Variants in ARMC12 observed in about 807,000 individuals in gnomAD.
The protein encoded by ARMC12 is armadillo repeat containing 12, also known as armadillo repeat-containing protein 12.
ARMC12 carries 25 observed loss-of-function variants against 37.4 expected under a neutral mutation model. The ratio of observed to expected loss-of-function variants is 0.67; its 90% CI spans 0.49 to 0.93. ARMC12 has a LOEUF of 0.93. ARMC12 is among the 40% of genes least tolerant of loss of function. ARMC12 has a pLI of 0.00. For synonymous variants in ARMC12, 167 were observed against 176.1 expected, an observed-to-expected ratio of 0.95 and a Z score of 0.41; for missense variants, 384 against 426.6, an observed-to-expected ratio of 0.90 and a Z score of 0.88.
At chr6:35,737,919 G>T in intron 1 of ARMC12, 108 bp from the exon 2 acceptor site, 1 of 1,537,628 alleles carries the variant, frequency 6.5e-7, no homozygotes. Context: ...AGGCTTCTCC[G>T]AAAAGGCAAG....
At chr6:35,744,133 ATTTGTTTTTGTT>A (rs758899217) in intron 3 of ARMC12, among the ~76,000 whole-genome samples, 3 of 151,818 alleles carry the variant, frequency 2.0e-5, no homozygotes, top group Admixed American at 6.6e-5. Context: ...GGGAGAGTGT[ATTTGTTTTTGTT>A]TTTGTTTTTG....
chr6:35,747,308 G>A lies in ARMC12; in HGVS notation c.492G>A (p.Thr164=), dbSNP rs35533722. 1,815 of 1,613,574 alleles carry A rather than the reference G, an allele frequency of 1.1e-3. 18 individuals are homozygous for A. In the Admixed American group the frequency reaches 0.016, roughly 15 times the overall value. ...VLELISTIWD[T]ELHIAGLRLL... is the part of the protein sequence containing the mutation. ...AACTGATCTCCACCATCTGGGACAC[G>A]GAACTGCACATTGCGGGCCTCAGAC... The change falls in exon 4 of 6, where the codon ACG becomes ACA. Residue 164 remains threonine, a synonymous_variant. Coordinates refer to ENST00000373866, the MANE Select transcript of ARMC12 (RefSeq NM_001286574.2).
At chr6:35,743,946 AAAAAAAAAAAAAG>A (rs764670735) in intron 3 of ARMC12, among the ~76,000 whole-genome samples, 6 of 134,870 alleles carry the variant, frequency 4.4e-5, no homozygotes, top group Non-Finnish European at 8.0e-5. Context: ...ACTCCATCTC[AAAAAAAAAAAAAG>A]AAAAAAGAAA....
intron 3 of ARMC12, among the ~76,000 whole-genome samples, chr6:35,741,043 G>A (rs993715247): frequency 6.6e-6 from 1 of 152,014 alleles, no homozygotes; most frequent in Non-Finnish European, 1.5e-5. Flanking sequence ...GGGAGTACGG[G>A]TGTGCTCAGT....
chr6:35,737,320 C>G, intron 1 of ARMC12, 49 bp downstream of exon 1: 1 of 1,614,236 alleles, frequency 6.2e-7, no homozygotes. Flanking sequence ...GAGGCACCTG[C>G]TCCCGAGGCC....
chr6:35,747,301 G>C lies in ARMC12; in HGVS notation c.485G>C (p.Trp162Ser), dbSNP rs1312837592. ...IKVLELISTI[W>S]DTELHIAGLR... ...GTACTCGAACTGATCTCCACCATCT[G>C]GGACACGGAACTGCACATTGCGGGC... Residue 162 changes from tryptophan to serine, a missense_variant, in exon 4 of 6, where the codon TGG (tryptophan) becomes TCG (serine). Physicochemically the swap from Trp to Ser is radical, Grantham distance 177. Coordinates refer to ENST00000373866, the MANE Select transcript of ARMC12 (RefSeq NM_001286574.2). The C allele has an allele frequency of 6.2e-7, 1 of 1,613,180 alleles. No homozygotes were observed. The highest frequency in any genetic ancestry group is 8.5e-7 in the Non-Finnish European group (1 of 1,180,012).
chr6:35,748,423 C>T, intron 5 of ARMC12, 115 bp from the exon 6 acceptor site: 1 of 818,536 alleles, frequency 1.2e-6, no homozygotes, highest in African/African-American at 1.8e-5. Context: ...TTACTATATA[C>T]TCGAGTCTGA....
At chr6:35,738,303 G>C in intron 2 of ARMC12, 81 bp from the exon 3 acceptor site, 1 of 1,499,696 alleles carries the variant, frequency 6.7e-7, no homozygotes, top group Non-Finnish European at 9.0e-7. Flanking sequence ...GGGGTGTGCG[G>C]AGGGATCTTG....
chr6:35,736,999 T>G, upstream of ARMC12: 4 of 1,502,196 alleles, frequency 2.7e-6, no homozygotes, highest in Admixed American at 7.7e-5. Flanking sequence ...TTGCCTAGGT[T>G]CCAATTCTGG....
At chr6:35,747,057 TAAA>T (rs74403253) in intron 3 of ARMC12, among the ~76,000 whole-genome samples, 3 of 82,522 alleles carry the variant, frequency 3.6e-5, no homozygotes, top group African/African-American at 5.7e-5. Context: ...AAGAAGTCTG[TAAA>T]AAAAAAAAAA....
At chr6:35,734,284 A>G (rs1766901596), upstream of ARMC12, among the ~76,000 whole-genome samples, 1 of 151,954 alleles carries the variant, frequency 6.6e-6, no homozygotes, top group Non-Finnish European at 1.5e-5. Flanking sequence ...CTCAGCCTCC[A>G]GAATAGCTGG....
chr6:35,738,400 C>T lies in ARMC12; in HGVS notation c.326C>T (p.Thr109Met), dbSNP rs142208066. ...LLEAEASACT[T>M]DDIVLLGYML... ...ATACTCCAGGCCTCTGCTTGTACTA[C>T]GGATGACATCGTGTTGCTGGGCTAC... The change falls in exon 3 of 6, where the codon ACG becomes ATG. Residue 109 changes from threonine to methionine, a missense_variant. By Grantham distance (81) the Thr-to-Met change is moderately conservative (BLOSUM62 -1). Coordinates refer to ENST00000373866, the MANE Select transcript of ARMC12 (RefSeq NM_001286574.2). The T allele has an allele frequency of 6.5e-5, 105 of 1,613,502 alleles. No individual in the cohort carries two copies. The African/African-American group carries it at 7.4e-4, about 11-fold the overall frequency.
At chr6:35,740,897 GTTTT>G (rs11365534) in intron 3 of ARMC12, among the ~76,000 whole-genome samples, 3 of 116,384 alleles carry the variant, frequency 2.6e-5, no homozygotes, top group Non-Finnish European at 1.7e-5. Flanking sequence ...CTTCCTTCTG[GTTTT>G]TTTTTTTTTT....
At chr6:35,739,560 G>A (rs561129713) in intron 3 of ARMC12, among the ~76,000 whole-genome samples, 2 of 152,314 alleles carry the variant, frequency 1.3e-5, no homozygotes, top group East Asian at 3.9e-4. Flanking sequence ...CAGATCCACA[G>A]TAAAACTTGT....
At chr6:35,740,896 G>GTT (rs1561921513) in intron 3 of ARMC12, among the ~76,000 whole-genome samples, 5 of 123,518 alleles carry the variant, frequency 4.0e-5, no homozygotes, top group African/African-American at 1.0e-4. Flanking sequence ...GCTTCCTTCT[G>GTT]GTTTTTTTTT....
In ARMC12 at chr6:35,738,046, G is replaced by A. The variant is rs372130088; in HGVS notation, c.183G>A (p.Glu61=). 1.9e-6 allele frequency: 3 copies of A among 1,613,648 alleles called. No individual in the cohort carries two copies. The highest frequency in any genetic ancestry group is 1.3e-5 in the African/African-American group (1 of 74,934). ...GTCTAGGCCTGGCAGTCGAGCGAGA[G>A]CGGCACGGGCGGGACTCAGGTGAGC... ...ICIARLAVER[E]RHGRDSGELR... Residue 61 remains glutamate, a synonymous_variant, in exon 2 of 6, where the codon GAG becomes GAA. Coordinates refer to ENST00000373866, the MANE Select transcript of ARMC12 (RefSeq NM_001286574.2).
chr6:35,738,786 G>GT (rs946390250), intron 3 of ARMC12, among the ~76,000 whole-genome samples: 2 of 152,150 alleles, frequency 1.3e-5, no homozygotes, highest in South Asian at 2.1e-4. Flanking sequence ...CCACTGCCAC[G>GT]TTTTTTCTGA....
intron 3 of ARMC12, among the ~76,000 whole-genome samples, chr6:35,741,749 T>C (rs1255201169): frequency 6.6e-6 from 1 of 152,072 alleles, no homozygotes; most frequent in African/African-American, 2.4e-5. Flanking sequence ...TCAAACTTTT[T>C]TGGGGAAAAA....
upstream of ARMC12, among the ~76,000 whole-genome samples, chr6:35,733,068 A>T (rs1188483343): frequency 6.6e-6 from 1 of 152,196 alleles, no homozygotes; most frequent in Non-Finnish European, 1.5e-5. Context: ...GCAACTTGGT[A>T]AACTGAGGCA....
Sources: allele counts gnomAD v4.1 joint callset (sites outside exome capture counted in the v4.1 genomes callset), GRCh38; gene constraint gnomAD v4.1.1; transcripts MANE v1.5; gene names NCBI Gene and HGNC (gene_info 2026-07-23, HGNC 2026-07-21).